MCC: variants seen among roughly 807,000 people sequenced by gnomAD.
MCC encodes the protein colorectal mutant cancer protein.
A neutral mutation model predicts 116.2 loss-of-function variants in MCC; 90 were observed. That is an observed-to-expected ratio of 0.77 (90% CI 0.65 to 0.92). MCC has a LOEUF of 0.92. Among genes scored for constraint, MCC ranks in the 40% least tolerant of loss-of-function variants. MCC has a pLI of 0.00. For synonymous variants in MCC, 578 were observed against 510.5 expected, an observed-to-expected ratio of 1.13 and a Z score of -1.78; for missense variants, 1,516 against 1,312.2, an observed-to-expected ratio of 1.16 and a Z score of -2.40.
At chr5:113,403,501 T>G (rs912091219) in intron 1 of MCC, among the ~76,000 whole-genome samples, 7 of 152,210 alleles carry the variant, frequency 4.6e-5, no homozygotes, top group African/African-American at 1.7e-4. Context: ...GCTCTTCATG[T>G]TTCAGAAATT....
chr5:113,210,729 T>C (rs1376742522), intron 3 of MCC, among the ~76,000 whole-genome samples: 1 of 152,182 alleles, frequency 6.6e-6, no homozygotes, highest in East Asian at 1.9e-4. Flanking sequence ...CTAGTAAAGA[T>C]AGAATTACAT....
chr5:113,425,312 G>A (rs992906418), intron 1 of MCC, among the ~76,000 whole-genome samples: 2 of 152,172 alleles, frequency 1.3e-5, no homozygotes, highest in South Asian at 4.1e-4. Context: ...TCAATCAAAT[G>A]AAAGGGCAGA....
In MCC at chr5:113,058,015, G is replaced by A. The variant is rs565506776; in HGVS notation, c.2214-4056C>T. Among the ~76,000 whole-genome samples, 57 of 152,216 alleles carry A rather than the reference G, an allele frequency of 3.7e-4. No individual in the cohort carries two copies. The East Asian group carries it at 0.011, about 29-fold the overall frequency. ...CTTGTAAACCTGGGACACAGGGTGT[G>A]GGGTTTACTTACACCTCTAGTCTTT... On this transcript the variant is annotated intron_variant, in intron 14 of 18. Coordinates refer to ENST00000408903, the MANE Select transcript of MCC (RefSeq NM_001085377.2).
At chr5:113,466,166 C>T (rs1462376699) in intron 1 of MCC, among the ~76,000 whole-genome samples, 3 of 89,646 alleles carry the variant, frequency 3.3e-5, no homozygotes, top group Admixed American at 1.5e-4. Flanking sequence ...AGTTGAGTAG[C>T]CATTCTTTTT....
At chr5:113,325,282 T>C (rs1339694006) in intron 3 of MCC, among the ~76,000 whole-genome samples, 2 of 152,162 alleles carry the variant, frequency 1.3e-5, no homozygotes, top group South Asian at 2.1e-4. Context: ...AAAGATATTA[T>C]AGGGGCAGCG....
intron 17 of MCC, among the ~76,000 whole-genome samples, chr5:113,034,033 T>C (rs1418846542): frequency 1.3e-5 from 2 of 151,758 alleles, no homozygotes; most frequent in Admixed American, 1.3e-4. Flanking sequence ...ACTACAGGTG[T>C]GTGCCACCAT....
intron 13 of MCC, among the ~76,000 whole-genome samples, chr5:113,067,002 T>G (rs1753657527): frequency 6.6e-6 from 1 of 152,210 alleles, no homozygotes; most frequent in African/African-American, 2.4e-5. Context: ...GGGTCTCTCT[T>G]TCCTCTTAGC....
intron 3 of MCC, among the ~76,000 whole-genome samples, chr5:113,235,550 G>C (rs57414593): frequency 6.6e-6 from 1 of 152,164 alleles, no homozygotes; most frequent in East Asian, 1.9e-4. Context: ...AACTGAGTGG[G>C]GAAACACAAA....
intron 3 of MCC, among the ~76,000 whole-genome samples, chr5:113,151,881 C>G (rs1759896669): frequency 6.6e-6 from 1 of 151,192 alleles, no homozygotes; most frequent in South Asian, 2.1e-4. Context: ...GCATATGTGA[C>G]AGGCAGACAG....
intron 1 of MCC, among the ~76,000 whole-genome samples, chr5:113,467,849 T>C (rs1026256435): frequency 6.6e-6 from 1 of 152,232 alleles, no homozygotes; most frequent in African/African-American, 2.4e-5. Context: ...TTGTATCCTC[T>C]TTTATTTCAT....
chr5:113,169,150 T>C (rs976360752), intron 3 of MCC, among the ~76,000 whole-genome samples: 3 of 152,026 alleles, frequency 2.0e-5, no homozygotes, highest in Admixed American at 2.0e-4. Context: ...TGATTTGCAT[T>C]GCTCTTGCTG....
At chr5:113,345,388 C>T (rs1166060102) in intron 2 of MCC, among the ~76,000 whole-genome samples, 1 of 152,196 alleles carries the variant, frequency 6.6e-6, no homozygotes, top group African/African-American at 2.4e-5. Context: ...AAACTGCTGA[C>T]TATAAAGCCC....
intron 1 of MCC, among the ~76,000 whole-genome samples, chr5:113,458,488 G>A (rs1320605766): frequency 2.6e-5 from 4 of 152,276 alleles, no homozygotes; most frequent in South Asian, 2.1e-4. Context: ...AACACTCACC[G>A]CGAGGGTCCA....
At chr5:113,185,621 A>C (rs181723491) in intron 3 of MCC, among the ~76,000 whole-genome samples, 1 of 152,218 alleles carries the variant, frequency 6.6e-6, no homozygotes, top group African/African-American at 2.4e-5. Flanking sequence ...AAAAGTGAGC[A>C]TATTTTAAAA....
chr5:113,255,391 T>G (rs1007931323), intron 3 of MCC, among the ~76,000 whole-genome samples: 1 of 152,170 alleles, frequency 6.6e-6, no homozygotes. Flanking sequence ...AGGTCCAAAA[T>G]GAATTCCATG....
At chr5:113,097,300 A>T (rs1756085247) in intron 8 of MCC, among the ~76,000 whole-genome samples, 1 of 152,246 alleles carries the variant, frequency 6.6e-6, no homozygotes, top group African/African-American at 2.4e-5. Context: ...ATATTTTAGC[A>T]TATCAGTGTT....
chr5:113,048,250 G>A (rs188928138), intron 16 of MCC, among the ~76,000 whole-genome samples: 2 of 152,124 alleles, frequency 1.3e-5, no homozygotes, highest in African/African-American at 2.4e-5. Context: ...CTGTGGTTTC[G>A]GTTCCTCAAG....
intron 1 of MCC, among the ~76,000 whole-genome samples, chr5:113,387,575 G>GT (rs926998711): frequency 1.6e-4 from 24 of 152,084 alleles, no homozygotes; most frequent in African/African-American, 5.8e-4. Flanking sequence ...AAATAAAGAG[G>GT]TTTTCCAAAT....
At chr5:113,126,263 G>A (rs1052111455) in intron 5 of MCC, among the ~76,000 whole-genome samples, 4 of 152,330 alleles carry the variant, frequency 2.6e-5, no homozygotes, top group African/African-American at 4.8e-5. Flanking sequence ...GTAATGACCA[G>A]CAGTGGCAGA....
Sources: gnomAD v4.1 joint callset for allele counts (sites outside exome capture counted in the v4.1 genomes callset) on GRCh38, gnomAD v4.1.1 for gene constraint, MANE v1.5 for transcripts, NCBI Gene and HGNC (gene_info 2026-07-23, HGNC 2026-07-21) for gene names.